ITFG1: variants seen among roughly 807,000 people sequenced by gnomAD.
ITFG1 encodes the protein T-cell immunomodulatory protein.
A neutral mutation model predicts 81.8 loss-of-function variants in ITFG1; 34 were observed. The observed-to-expected ratio is 0.42, with a 90% CI of 0.32 to 0.55. The LOEUF (loss-of-function observed/expected upper bound fraction) is 0.55. ITFG1 is among the 20% of genes least tolerant of loss of function. ITFG1 has a pLI of 0.17. For missense variants in ITFG1, 672 were observed against 755.4 expected, an observed-to-expected ratio of 0.89 and a Z score of 1.29; for synonymous variants, 285 against 270.6, an observed-to-expected ratio of 1.05 and a Z score of -0.52.
At chr16:47,275,592 A>T (rs977534521) in intron 10 of ITFG1, among the ~76,000 whole-genome samples, 1 of 152,120 alleles carries the variant, frequency 6.6e-6, no homozygotes, top group Non-Finnish European at 1.5e-5. Flanking sequence ...CCAACTGTAG[A>T]GGTATAGTAA....
chr16:47,187,569 C>G (rs1965237753), intron 14 of ITFG1, among the ~76,000 whole-genome samples: 1 of 152,114 alleles, frequency 6.6e-6, no homozygotes. Flanking sequence ...ATTTAGAAAG[C>G]TGAAACTGGA....
At chr16:47,331,913 T>C (rs1159057381) in intron 8 of ITFG1, among the ~76,000 whole-genome samples, 1 of 152,174 alleles carries the variant, frequency 6.6e-6, no homozygotes, top group Non-Finnish European at 1.5e-5. Flanking sequence ...TGCAGGTATT[T>C]TTGATCACCT....
At chr16:47,323,225 A>T (rs1256116712) in intron 8 of ITFG1, among the ~76,000 whole-genome samples, 5 of 152,210 alleles carry the variant, frequency 3.3e-5, no homozygotes, top group Non-Finnish European at 5.9e-5. Context: ...AGATTAACTC[A>T]TTCATGAGTT....
chr16:47,280,763 A>G (rs1966442679), intron 10 of ITFG1, among the ~76,000 whole-genome samples: 1 of 152,136 alleles, frequency 6.6e-6, no homozygotes, highest in Non-Finnish European at 1.5e-5. Context: ...TAATCGTCCC[A>G]GAAAAGAGAG....
intron 7 of ITFG1, among the ~76,000 whole-genome samples, chr16:47,371,204 A>T (rs1169844031): frequency 1.3e-5 from 2 of 152,232 alleles, no homozygotes; most frequent in African/African-American, 2.4e-5. Context: ...CTCAACTCGC[A>T]GCTCCACTGT....
At chr16:47,412,206 G>A (rs1272383321) in intron 6 of ITFG1, among the ~76,000 whole-genome samples, 1 of 152,150 alleles carries the variant, frequency 6.6e-6, no homozygotes, top group Non-Finnish European at 1.5e-5. Context: ...CAGTCAGAGT[G>A]TCTCCTTACC....
chr16:47,375,773 T>C, intron 7 of ITFG1, 103 bp downstream of exon 7: 1 of 768,798 alleles, frequency 1.3e-6, no homozygotes, highest in Non-Finnish European at 2.3e-6. Context: ...TTTCTATTTA[T>C]TGTTGAAATC....
chr16:47,363,192 C>T (rs1433447897), intron 8 of ITFG1, among the ~76,000 whole-genome samples: 1 of 152,230 alleles, frequency 6.6e-6, no homozygotes, highest in East Asian at 1.9e-4. Flanking sequence ...AACTATTGCA[C>T]CAGGCCTGTA....
intron 6 of ITFG1, among the ~76,000 whole-genome samples, chr16:47,415,794 T>C (rs1403058223): frequency 2.0e-5 from 3 of 152,164 alleles, no homozygotes; most frequent in African/African-American, 7.2e-5. Context: ...GATAAGTGTT[T>C]CACCTCTTTA....
chr16:47,158,055 T>G (rs577915493), intron 17 of ITFG1, among the ~76,000 whole-genome samples: 3 of 152,194 alleles, frequency 2.0e-5, no homozygotes, highest in Non-Finnish European at 4.4e-5. Context: ...AGAAATCAGT[T>G]TAATGCAAAG....
chr16:47,314,131 CCCCAA>C (rs1382083838), intron 8 of ITFG1, among the ~76,000 whole-genome samples: 1 of 152,018 alleles, frequency 6.6e-6, no homozygotes, highest in Admixed American at 6.6e-5. Flanking sequence ...ATCAGTCATA[CCCCAA>C]CCCATGTAAC....
chr16:47,158,517 C>T (rs1297241953), intron 17 of ITFG1, among the ~76,000 whole-genome samples: 2 of 152,198 alleles, frequency 1.3e-5, no homozygotes, highest in Admixed American at 1.3e-4. Context: ...ATGGCTTTAT[C>T]AGTACATACT....
At chr16:47,281,765 C>A (rs1420530273) in intron 10 of ITFG1, among the ~76,000 whole-genome samples, 1 of 150,622 alleles carries the variant, frequency 6.6e-6, no homozygotes, top group African/African-American at 2.4e-5. Flanking sequence ...ACAATCCTCT[C>A]TTTTTTTTTG....
chr16:47,420,788 T>C (rs1294785109), intron 6 of ITFG1, among the ~76,000 whole-genome samples: 2 of 152,194 alleles, frequency 1.3e-5, no homozygotes, highest in African/African-American at 4.8e-5. Flanking sequence ...GTGTTCCTTG[T>C]AAAGCATGAA....
At chr16:47,461,177 T>C, upstream of ITFG1, 2 of 1,018,116 alleles carry the variant, frequency 2.0e-6, no homozygotes, top group Admixed American at 2.9e-5. Context: ...CCTTTTTCTC[T>C]CTCCCACTAG....
chr16:47,252,520 C>T (rs2151539422), intron 12 of ITFG1, among the ~76,000 whole-genome samples: 1 of 152,266 alleles, frequency 6.6e-6, no homozygotes, highest in East Asian at 1.9e-4. Context: ...GATTCAGAAC[C>T]TCCAAGTGTA....
intron 6 of ITFG1, among the ~76,000 whole-genome samples, chr16:47,389,310 T>C (rs1198784218): frequency 6.6e-6 from 1 of 152,180 alleles, no homozygotes; most frequent in Non-Finnish European, 1.5e-5. Flanking sequence ...TCCTTCTCCT[T>C]TCTTAACTGA....
At chr16:47,230,615 A>T (rs1207053345) in intron 13 of ITFG1, among the ~76,000 whole-genome samples, 1 of 152,186 alleles carries the variant, frequency 6.6e-6, no homozygotes, top group Non-Finnish European at 1.5e-5. Context: ...CAAGGCCCAT[A>T]AGGTTCCTGG....
chr16:47,249,901 C>T (rs983906881), intron 12 of ITFG1, among the ~76,000 whole-genome samples: 7 of 152,124 alleles, frequency 4.6e-5, no homozygotes, highest in East Asian at 1.9e-4. Context: ...ACTAAGCCAA[C>T]GTGCAGGTTG....
Sources: allele counts gnomAD v4.1 joint callset (sites outside exome capture counted in the v4.1 genomes callset), GRCh38; gene constraint gnomAD v4.1.1; transcripts MANE v1.5; gene names NCBI Gene and HGNC (gene_info 2026-07-23, HGNC 2026-07-21).